The following RUNDC3B variants were observed in gnomAD, a reference collection of about 807,000 sequenced individuals.
The protein encoded by RUNDC3B is RUN domain containing 3B.
RUNDC3B carries 33 observed loss-of-function variants against 58.4 expected under a neutral mutation model. That is an observed-to-expected ratio of 0.56 (90% CI 0.43 to 0.75). RUNDC3B has a LOEUF of 0.75. Among genes scored for constraint, RUNDC3B ranks in the 30% least tolerant of loss-of-function variants. The pLI, the probability that RUNDC3B is intolerant of heterozygous loss-of-function variation, is 0.00. For synonymous variants in RUNDC3B, 193 were observed against 195.2 expected, an observed-to-expected ratio of 0.99 and a Z score of 0.10; for missense variants, 501 against 535.7, an observed-to-expected ratio of 0.94 and a Z score of 0.64.
At chr7:87,672,145 G>A (rs1252637724) in intron 2 of RUNDC3B, among the ~76,000 whole-genome samples, 1 of 152,226 alleles carries the variant, frequency 6.6e-6, no homozygotes, top group East Asian at 1.9e-4. Flanking sequence ...TCATCCCAGG[G>A]AGAATTCAAA....
At chr7:87,783,470 GTTT>G (rs1384794977) in intron 8 of RUNDC3B, among the ~76,000 whole-genome samples, 1 of 152,066 alleles carries the variant, frequency 6.6e-6, no homozygotes, top group Non-Finnish European at 1.5e-5. Flanking sequence ...GCCTCTCTGT[GTTT>G]TTTAAGTGGG....
chr7:87,803,787 G>A (rs946825348), intron 8 of RUNDC3B, among the ~76,000 whole-genome samples: 2 of 151,990 alleles, frequency 1.3e-5, no homozygotes, highest in Non-Finnish European at 2.9e-5. Context: ...AATGCTGTCC[G>A]TGAATATTTT....
chr7:87,745,690 A>G (rs1832603936), intron 6 of RUNDC3B, among the ~76,000 whole-genome samples: 1 of 151,024 alleles, frequency 6.6e-6, no homozygotes, highest in African/African-American at 2.4e-5. Context: ...GTTATTTTCT[A>G]TTTTCTTTTC....
chr7:87,663,106 A>G (rs578029932), intron 2 of RUNDC3B, among the ~76,000 whole-genome samples: 7 of 152,224 alleles, frequency 4.6e-5, no homozygotes, highest in African/African-American at 1.7e-4. Flanking sequence ...CTGCAACTTT[A>G]CTGAATTTGT....
At chr7:87,693,132 A>G (rs1754478561) in intron 2 of RUNDC3B, among the ~76,000 whole-genome samples, 1 of 152,232 alleles carries the variant, frequency 6.6e-6, no homozygotes, top group Non-Finnish European at 1.5e-5. Flanking sequence ...ATGTTATTTC[A>G]GAAATTTGGC....
At chr7:87,707,423 C>A (rs1829702829) in intron 3 of RUNDC3B, among the ~76,000 whole-genome samples, 1 of 151,996 alleles carries the variant, frequency 6.6e-6, no homozygotes, top group Non-Finnish European at 1.5e-5. Flanking sequence ...CCTTTAATCC[C>A]AGCACTTTGG....
At chr7:87,758,087 G>A (rs1346190185) in intron 6 of RUNDC3B, among the ~76,000 whole-genome samples, 4 of 152,180 alleles carry the variant, frequency 2.6e-5, no homozygotes, top group African/African-American at 9.6e-5. Context: ...TGGAAGCCAA[G>A]GCAGGAGGAT....
At chr7:87,812,496 C>A (rs1434865010) in intron 9 of RUNDC3B, among the ~76,000 whole-genome samples, 1 of 152,146 alleles carries the variant, frequency 6.6e-6, no homozygotes, top group Non-Finnish European at 1.5e-5. Context: ...ATAATCTCAG[C>A]TACTTGGGAG....
chr7:87,823,823 C>CATAT (rs140928571), intron 10 of RUNDC3B, among the ~76,000 whole-genome samples: 1 of 146,790 alleles, frequency 6.8e-6, no homozygotes, highest in African/African-American at 2.5e-5. Context: ...CACACACACA[C>CATAT]ATATATATAT....
At chr7:87,688,453 TG>T (rs1376699631) in intron 2 of RUNDC3B, among the ~76,000 whole-genome samples, 4 of 151,956 alleles carry the variant, frequency 2.6e-5, no homozygotes, top group African/African-American at 4.8e-5. Flanking sequence ...TTTTCATGTT[TG>T]TTTTTTTTCA....
intron 9 of RUNDC3B, 85 bp downstream of exon 9, chr7:87,807,604 C>T (rs944062443): frequency 1.1e-6 from 1 of 934,026 alleles, no homozygotes; most frequent in Non-Finnish European, 1.7e-6. Flanking sequence ...CTCAGTTATT[C>T]TTTCTGAACT....
chr7:87,684,450 A>T (rs934688304), intron 2 of RUNDC3B, among the ~76,000 whole-genome samples: 12 of 152,190 alleles, frequency 7.9e-5, no homozygotes, highest in Non-Finnish European at 1.5e-4. Flanking sequence ...TGCAGTAATC[A>T]GTGTGTTATT....
intron 1 of RUNDC3B, among the ~76,000 whole-genome samples, chr7:87,639,024 C>T (rs1822148303): frequency 1.3e-5 from 2 of 151,954 alleles, no homozygotes; most frequent in African/African-American, 2.4e-5. Context: ...TGATGGCAGG[C>T]GCCTGTAGTC....
At chr7:87,764,178 T>C (rs1833847614) in intron 6 of RUNDC3B, among the ~76,000 whole-genome samples, 1 of 151,820 alleles carries the variant, frequency 6.6e-6, no homozygotes, top group African/African-American at 2.4e-5. Context: ...TATGTAAATT[T>C]AAAGACCAAA....
At chr7:87,827,649 C>T (rs1166037498) in intron 10 of RUNDC3B, among the ~76,000 whole-genome samples, 1 of 151,968 alleles carries the variant, frequency 6.6e-6, no homozygotes, top group Non-Finnish European at 1.5e-5. Context: ...TAATGATATC[C>T]CCCTTTATAT....
At chr7:87,779,312 T>C (rs557956526) in intron 8 of RUNDC3B, among the ~76,000 whole-genome samples, 1 of 152,334 alleles carries the variant, frequency 6.6e-6, no homozygotes, top group Non-Finnish European at 1.5e-5. Context: ...TGAACAGTTT[T>C]CAGTCTTTTT....
intron 4 of RUNDC3B, among the ~76,000 whole-genome samples, chr7:87,719,665 G>A (rs1830750243): frequency 6.6e-6 from 1 of 151,612 alleles, no homozygotes; most frequent in Admixed American, 6.6e-5. Context: ...AGAAATAAAT[G>A]CAAGTAAAAA....
chr7:87,778,076 A>G (rs1834738268), intron 8 of RUNDC3B, 121 bp downstream of exon 8: 1 of 782,368 alleles, frequency 1.3e-6, no homozygotes, highest in Non-Finnish European at 2.0e-6. Flanking sequence ...TTTTTCACCT[A>G]CACTTTTTTG....
At chr7:87,825,418 C>T (rs1175052157) in intron 10 of RUNDC3B, among the ~76,000 whole-genome samples, 2 of 152,074 alleles carry the variant, frequency 1.3e-5, no homozygotes, top group Non-Finnish European at 2.9e-5. Flanking sequence ...GGAACCTCTG[C>T]CTAGATTTCA....
Sources: gnomAD v4.1 joint callset for allele counts (sites outside exome capture counted in the v4.1 genomes callset) on GRCh38, gnomAD v4.1.1 for gene constraint, MANE v1.5 for transcripts, NCBI Gene and HGNC (gene_info 2026-07-23, HGNC 2026-07-21) for gene names.